SORCS3: variants seen among roughly 807,000 people sequenced by gnomAD.
The protein encoded by SORCS3 is VPS10 domain-containing receptor SorCS3.
A neutral mutation model predicts 146.3 loss-of-function variants in SORCS3; 57 were observed. The observed-to-expected ratio is 0.39, with a 90% CI of 0.31 to 0.49. SORCS3 has a LOEUF of 0.49. SORCS3 is among the 20% of genes least tolerant of loss of function. The pLI is 0.92. For missense variants in SORCS3, 1,341 were observed against 1,575.5 expected, an observed-to-expected ratio of 0.85 and a Z score of 2.52; for synonymous variants, 653 against 618.5, an observed-to-expected ratio of 1.06 and a Z score of -0.83.
At chr10:105,126,522 T>A (rs1052108867) in intron 7 of SORCS3, among the ~76,000 whole-genome samples, 1 of 152,198 alleles carries the variant, frequency 6.6e-6, no homozygotes, top group African/African-American at 2.4e-5. Context: ...CTTAAGGCAG[T>A]GGGAGTATAA....
At chr10:104,688,497 C>T (rs1451613964) in intron 1 of SORCS3, among the ~76,000 whole-genome samples, 3 of 152,302 alleles carry the variant, frequency 2.0e-5, no homozygotes, top group Non-Finnish European at 2.9e-5. Context: ...TGTGTGGATA[C>T]GTGCAGGAGT....
At chr10:105,192,763 T>G (rs958951160) in intron 14 of SORCS3, among the ~76,000 whole-genome samples, 1 of 152,202 alleles carries the variant, frequency 6.6e-6, no homozygotes, top group South Asian at 2.1e-4. Context: ...CAAATTCTGA[T>G]TCTTTCTTGA....
At chr10:104,980,560 G>C (rs184631201) in intron 4 of SORCS3, among the ~76,000 whole-genome samples, 3 of 152,324 alleles carry the variant, frequency 2.0e-5, no homozygotes, top group African/African-American at 7.2e-5. Context: ...CATGAAGGCA[G>C]CTGTTTCCTT....
In SORCS3 at chr10:104,938,393, CCACAG is replaced by C. The variant is rs533649258; in HGVS notation, c.795+22464_795+22468del. Among the ~76,000 whole-genome samples the C allele has an allele frequency of 3.3e-5, 5 of 152,298 alleles. No individual in the cohort carries two copies. In the South Asian group the frequency reaches 1.0e-3, roughly 32 times the overall value. On this transcript the variant is annotated intron_variant, in intron 3 of 26. Transcript: ENST00000369701. ...TTGCCTGTAGGATTCAGGCCAAACT[CCACAG>C]CATGGGGTTAAAGCTCCTTCGTAAT...
intron 5 of SORCS3, among the ~76,000 whole-genome samples, chr10:105,059,491 C>T (rs1000407133): frequency 6.6e-6 from 1 of 152,076 alleles, no homozygotes; most frequent in East Asian, 1.9e-4. Flanking sequence ...TTTAGATGTA[C>T]TTAGGAATTC....
At chr10:105,206,331 A>C in intron 16 of SORCS3, among the ~76,000 whole-genome samples, 1 of 152,220 alleles carries the variant, frequency 6.6e-6, no homozygotes, top group Non-Finnish European at 1.5e-5. Flanking sequence ...TGAAATAAAA[A>C]ATGTTATTCC....
chr10:105,168,322 AGAT>A lies in SORCS3; in HGVS notation c.1901+988_1901+990del, dbSNP rs139817813. 6.0e-4 allele frequency among the ~76,000 whole-genome samples: 91 copies of A among 152,266 alleles called. 1 individual carries two copies. The highest frequency in any genetic ancestry group is 2.1e-3 in the African/African-American group (86 of 41,564). ...CACAAGGACAGAGTTGAATGAGAAT[AGAT>A]GATGATGATGATGACGACGATGACA... On this transcript the variant is annotated intron_variant, in intron 13 of 26. Transcript: ENST00000369701.
chr10:104,790,932 A>G (rs1014246259), intron 1 of SORCS3, among the ~76,000 whole-genome samples: 1 of 152,228 alleles, frequency 6.6e-6, no homozygotes, highest in Non-Finnish European at 1.5e-5. Flanking sequence ...CTTGAACTTT[A>G]TAAGATAACA....
intron 3 of SORCS3, among the ~76,000 whole-genome samples, chr10:104,920,257 A>G (rs758973572): frequency 3.3e-5 from 5 of 152,244 alleles, no homozygotes; most frequent in Non-Finnish European, 7.3e-5. Context: ...GAATACATCA[A>G]ATGAGATCTG....
intron 7 of SORCS3, among the ~76,000 whole-genome samples, chr10:105,114,447 T>G (rs1160563617): frequency 6.6e-6 from 1 of 152,100 alleles, no homozygotes; most frequent in Non-Finnish European, 1.5e-5. Flanking sequence ...AGAATGAAAC[T>G]TTTCCCTCGC....
intron 6 of SORCS3, among the ~76,000 whole-genome samples, chr10:105,092,065 A>G (rs908564112): frequency 2.6e-5 from 4 of 152,226 alleles, no homozygotes; most frequent in African/African-American, 9.6e-5. Flanking sequence ...CTTAAGACAC[A>G]TTATTTTCTG....
At chr10:104,835,711 G>A (rs940066365) in intron 1 of SORCS3, among the ~76,000 whole-genome samples, 2 of 152,188 alleles carry the variant, frequency 1.3e-5, no homozygotes, top group African/African-American at 2.4e-5. Context: ...CTGCATTGCA[G>A]TTAGGGTCTA....
chr10:104,683,989 G>A (rs2016012736), intron 1 of SORCS3, among the ~76,000 whole-genome samples: 1 of 152,210 alleles, frequency 6.6e-6, no homozygotes, highest in East Asian at 1.9e-4. Flanking sequence ...AAGCTCTATA[G>A]TAACAGAGAA....
chr10:104,782,361 T>G (rs894142323), intron 1 of SORCS3, among the ~76,000 whole-genome samples: 1 of 151,972 alleles, frequency 6.6e-6, no homozygotes, highest in South Asian at 2.1e-4. Context: ...GGGAACCAGG[T>G]GAAATGGGCA....
At chr10:104,979,882 G>A (rs1204368902) in intron 4 of SORCS3, among the ~76,000 whole-genome samples, 1 of 152,142 alleles carries the variant, frequency 6.6e-6, no homozygotes, top group Non-Finnish European at 1.5e-5. Flanking sequence ...TAAATGGTTG[G>A]ATGGTAATTT....
At chr10:105,210,559 G>A (rs2056627433) in intron 16 of SORCS3, among the ~76,000 whole-genome samples, 1 of 152,146 alleles carries the variant, frequency 6.6e-6, no homozygotes, top group Non-Finnish European at 1.5e-5. Context: ...GGGAGAAGAG[G>A]GGAAAGAAAT....
intron 1 of SORCS3, among the ~76,000 whole-genome samples, chr10:104,836,751 G>A (rs548109365): frequency 2.6e-5 from 4 of 152,034 alleles, no homozygotes; most frequent in South Asian, 2.1e-4. Context: ...CAGCCTTGCC[G>A]TGTCTCTGAG....
At chr10:105,114,225 C>T (rs1178159549) in intron 7 of SORCS3, among the ~76,000 whole-genome samples, 3 of 151,950 alleles carry the variant, frequency 2.0e-5, no homozygotes, top group African/African-American at 7.3e-5. Context: ...AGAGGGTGGC[C>T]TTCAATGTGG....
At chr10:104,821,134 CTG>C (rs769767599) in intron 1 of SORCS3, among the ~76,000 whole-genome samples, 1 of 152,216 alleles carries the variant, frequency 6.6e-6, no homozygotes, top group Non-Finnish European at 1.5e-5. Flanking sequence ...GGGTTCCACA[CTG>C]TGTACCTTCA....
Sources: gnomAD v4.1 joint callset for allele counts (sites outside exome capture counted in the v4.1 genomes callset) on GRCh38, gnomAD v4.1.1 for gene constraint, MANE v1.5 for transcripts, NCBI Gene and HGNC (gene_info 2026-07-23, HGNC 2026-07-21) for gene names.